Variants in OR1I1 observed in about 807,000 individuals in gnomAD.
OR1I1 encodes the protein olfactory receptor 1I1.
For missense variants in OR1I1, 451 were observed against 443.6 expected (o/e 1.02, Z -0.15); for synonymous variants, 171 against 181.4 (o/e 0.94, Z 0.46).
chr19:15,082,436 G>A (rs1291406422), intron 1 of OR1I1, among the ~76,000 whole-genome samples, 160 bp downstream of exon 1: 2 of 152,048 alleles, frequency 1.3e-5, no homozygotes, highest in East Asian at 1.9e-4. Flanking sequence ...TGGGGGTGGA[G>A]GGTTGTGGGA....
At chr19:15,086,888 C>A in intron 1 of OR1I1, 165 bp from the exon 2 acceptor site, 1 of 1,113,964 alleles carries the variant, frequency 9.0e-7, no homozygotes, top group Non-Finnish European at 1.2e-6. Context: ...TGAGGAGCAA[C>A]AGAAGCCCAC....
At position 15,088,737 on chromosome 19, in the gene OR1I1, G is replaced by GA. The variant is rs1388629085; in HGVS notation, c.*605dup. The GA allele has an allele frequency of 5.2e-5, 7 of 135,472 alleles. No homozygotes were observed. Among genetic ancestry groups the GA allele is most frequent in the Admixed American group, 2.3e-4 (3 of 13,056 alleles). The allele number at this position is 135,472 out of a possible 1,614,324, so 8.4% of individuals were successfully genotyped here. A position where few individuals can be genotyped will look rare whatever the true frequency, so the allele number is the denominator to read the frequency against. On this transcript the variant is annotated 3_prime_UTR_variant, in exon 2 of 2. Transcript: ENST00000641398. ...ACAGACAGATAGATAGAGAGGATAA[G>GA]ATAAGATAGGTAGATAGGGTGGATA...
chr19:15,085,176 A>ATATATATATTTTT (rs1555717400), intron 1 of OR1I1, among the ~76,000 whole-genome samples: 3 of 80,126 alleles, frequency 3.7e-5, no homozygotes, highest in Non-Finnish European at 6.9e-5. Context: ...ATATATATAT[A>ATATATATATTTTT]TTTTTTTTTT....
chr19:15,087,607 T>G lies in OR1I1; in HGVS notation c.542T>G (p.Leu181Arg). ...GAAATCTCCCACTTCTTCTGTGACCTCATGCCCCTGCTGAAGCTCTCCGGC... is the reference window on the plus strand; with the variant it reads ...GAAATCTCCCACTTCTTCTGTGACCGCATGCCCCTGCTGAAGCTCTCCGGC... ...GSEISHFFCD[L>R]MPLLKLSGSD... The change falls in exon 2 of 2, where the codon CTC becomes CGC. Residue 181 changes from leucine (L) to arginine (R), a missense_variant. Coordinates refer to ENST00000641398, the MANE Select transcript of OR1I1 (RefSeq NM_001004713.2). 1.2e-6 allele frequency: 2 copies of G among 1,614,056 alleles called. No individual in the cohort carries two copies. The highest frequency in any genetic ancestry group is 1.7e-6 in the Non-Finnish European group (2 of 1,180,042).
chr19:15,089,047 G>GAGGGCATTTCCAAT lies in OR1I1; in HGVS notation c.*914_*915insAGGGCATTTCCAAT. 1 of 143,670 alleles carries GAGGGCATTTCCAAT rather than the reference G, an allele frequency of 7.0e-6. No individual in the cohort carries two copies. The allele number at this position is 143,670 out of a possible 1,614,324, so 8.9% of individuals were successfully genotyped here. ...ATCAACAGATAGATGATAGATAGAT[G>GAGGGCATTTCCAAT]GATGGATAGATAGAGATAGAGGAGG... is the stretch of plus-strand genomic sequence containing the variant. On this transcript the variant is annotated 3_prime_UTR_variant, in exon 2 of 2. Coordinates refer to ENST00000641398, the MANE Select transcript of OR1I1 (RefSeq NM_001004713.2).
rs2046261406 is a variant in OR1I1 at position 15,092,522 on chromosome 19, T to C, written c.*4389T>C. 1 of 152,210 alleles carries C rather than the reference T, an allele frequency of 6.6e-6. No individual in the cohort carries two copies. The highest frequency in any genetic ancestry group is 1.5e-5 in the Non-Finnish European group (1 of 68,050). The allele number at this position is 152,210 out of a possible 1,614,324, so 9.4% of individuals were successfully genotyped here. The stretch of plus-strand genomic sequence containing the variant: ...AGCTTTAGGGACCTTACCATCTCCG[T>C]TGCAATGACTGAACTCTGCTGCTGT... On this transcript the variant is annotated 3_prime_UTR_variant, in exon 2 of 2. Transcript: ENST00000641398.
chr19:15,086,230 C>T (rs2046229620), intron 1 of OR1I1, among the ~76,000 whole-genome samples: 1 of 152,058 alleles, frequency 6.6e-6, no homozygotes, highest in Non-Finnish European at 1.5e-5. Flanking sequence ...ACGAGAATCA[C>T]TTGAACCCAG....
intron 1 of OR1I1, among the ~76,000 whole-genome samples, chr19:15,082,894 C>T (rs2046214999): frequency 6.6e-6 from 1 of 152,040 alleles, no homozygotes; most frequent in South Asian, 2.1e-4. Flanking sequence ...ATCGCAGCCT[C>T]GACCTCCCAA....
At position 15,087,107 on chromosome 19, in the gene OR1I1, C is replaced by G. The variant is rs2046232700; in HGVS notation, c.42C>G (p.Leu14=). ...EKQTEISEFF[L]QGLSEKPEHQ... ...AAACCGAAATCTCAGAATTCTTCCT[C>G]CAGGGACTCTCAGAAAAGCCAGAGC... The change falls in exon 2 of 2, where the codon CTC becomes CTG. Residue 14 remains leucine, a synonymous_variant. Coordinates refer to ENST00000641398, the MANE Select transcript of OR1I1 (RefSeq NM_001004713.2). The G allele has an allele frequency of 1.9e-6, 3 of 1,613,840 alleles. No homozygotes were observed. Among genetic ancestry groups the G allele is most frequent in the Non-Finnish European group, 2.5e-6 (3 of 1,179,950 alleles).
In OR1I1 at chr19:15,087,311, A is replaced by G; in HGVS notation, c.246A>G (p.Leu82=). 3 of 1,614,126 alleles carry G rather than the reference A, an allele frequency of 1.9e-6. No homozygotes were observed. The highest frequency in any genetic ancestry group is 2.5e-6 in the Non-Finnish European group (3 of 1,180,022). ...CCTCCACCACCGTCCCCAAGATGCT[A>G]GCGAACATCCAGGCTCAGAGCAGAG... ...LLSSTTVPKM[L]ANIQAQSRAI... The change falls in exon 2 of 2, where the codon CTA becomes CTG. Residue 82 remains leucine, a synonymous_variant. Coordinates refer to ENST00000641398, the MANE Select transcript of OR1I1 (RefSeq NM_001004713.2).
At chr19:15,085,047 C>T (rs1046920868) in intron 1 of OR1I1, among the ~76,000 whole-genome samples, 1 of 145,954 alleles carries the variant, frequency 6.9e-6, no homozygotes, top group Admixed American at 7.1e-5. Flanking sequence ...TGTAGGCTAA[C>T]GTAAGTGTTC....
rs574303344 is a variant in OR1I1, at chr19:15,089,342, G to A, written c.*1209G>A. On this transcript the variant is annotated 3_prime_UTR_variant, in exon 2 of 2. Coordinates refer to ENST00000641398, the MANE Select transcript of OR1I1 (RefSeq NM_001004713.2). ...CAGTCAAGGGGACTCTGATGCAGAC[G>A]GTCCATCAATCGTAGTTTGGGAACA... 7.9e-5 allele frequency: 12 copies of A among 152,190 alleles called. No individual in the cohort carries two copies. The highest frequency in any genetic ancestry group is 4.1e-4 in the South Asian group (2 of 4,822). The allele number at this position is 152,190 out of a possible 1,614,324, so 9.4% of individuals were successfully genotyped here.
intron 1 of OR1I1, among the ~76,000 whole-genome samples, chr19:15,086,466 T>G (rs2145303347): frequency 6.6e-6 from 1 of 152,246 alleles, no homozygotes; most frequent in South Asian, 2.1e-4. Flanking sequence ...TTTTTGTTTT[T>G]TGTTTGAGAC....
chr19:15,087,413 A>C lies in OR1I1; in HGVS notation c.348A>C (p.Ala116=). The C allele has an allele frequency of 1.9e-6, 3 of 1,614,222 alleles. No homozygotes were observed. In the South Asian group the frequency reaches 3.3e-5, roughly 18 times the overall value. The part of the protein sequence containing the change: ...LFGTMDSFLL[A]VMAIDRFVAI... ...GGACCATGGACAGCTTTCTCCTGGC[A>C]GTAATGGCCATCGACCGCTTCGTGG... Residue 116 remains alanine (A), a synonymous_variant, in exon 2 of 2, where the codon GCA becomes GCC. Coordinates refer to ENST00000641398, the MANE Select transcript of OR1I1 (RefSeq NM_001004713.2).
At chr19:15,085,892 T>C (rs2046228430) in intron 1 of OR1I1, among the ~76,000 whole-genome samples, 1 of 152,208 alleles carries the variant, frequency 6.6e-6, no homozygotes, top group African/African-American at 2.4e-5. Flanking sequence ...GAATAAATAG[T>C]ATTCCATTGT....
chr19:15,085,168 ATATATATAT>A (rs1186925174), intron 1 of OR1I1, among the ~76,000 whole-genome samples: 8 of 18,824 alleles, frequency 4.2e-4, no homozygotes, highest in Non-Finnish European at 7.4e-4. Context: ...ATATATATAT[ATATATATAT>A]TTTTTTTTTT....
intron 1 of OR1I1, among the ~76,000 whole-genome samples, chr19:15,086,133 G>A (rs2046229230): frequency 6.6e-6 from 1 of 152,000 alleles, no homozygotes; most frequent in South Asian, 2.1e-4. Flanking sequence ...GGCCAACATG[G>A]TGAAAGCCCG....
intron 1 of OR1I1, among the ~76,000 whole-genome samples, chr19:15,085,858 G>T (rs1242988272): frequency 6.6e-6 from 1 of 152,072 alleles, no homozygotes; most frequent in Non-Finnish European, 1.5e-5. Flanking sequence ...GCAAATGATA[G>T]AATTTCCTCT....
At position 15,088,123 on chromosome 19, in the gene OR1I1, A is replaced by T; in HGVS notation, c.1058A>T (p.Asp353Val). 1 of 1,551,938 alleles carries T rather than the reference A, an allele frequency of 6.4e-7. No individual in the cohort carries two copies. The highest frequency in any genetic ancestry group is 8.7e-7 in the Non-Finnish European group (1 of 1,146,242). ...GTTCAGAGTCTAGCTGGGAACAGAG[A>T]CATGGAATAAATCCTTCCAGTACAA... ...GGVQSLAGNR[D>V]ME Residue 353 changes from aspartate (D) to valine (V), a missense_variant, in exon 2 of 2, where the codon GAC becomes GTC. Coordinates refer to ENST00000641398, the MANE Select transcript of OR1I1 (RefSeq NM_001004713.2).
Sources: gnomAD v4.1 joint callset for allele counts (sites outside exome capture counted in the v4.1 genomes callset) on GRCh38, gnomAD v4.1.1 for gene constraint, MANE v1.5 for transcripts, NCBI Gene and HGNC (gene_info 2026-07-23, HGNC 2026-07-21) for gene names.